Variants in TRPV1 observed in about 807,000 individuals in gnomAD.
The protein encoded by TRPV1 is transient receptor potential cation channel subfamily V member 1.
A neutral mutation model predicts 82.3 loss-of-function variants in TRPV1; 82 were observed. The observed-to-expected ratio is 1.00, with a 90% CI of 0.83 to 1.20. TRPV1 has a LOEUF of 1.20. TRPV1 is among the 50% of genes most tolerant of loss of function. TRPV1 has a pLI of 0.00. For missense variants in TRPV1, 1,067 were observed against 1,096.8 expected (o/e 0.97, Z 0.38); for synonymous variants, 515 against 467.7 (o/e 1.10, Z -1.30).
chr17:3,591,492 C>G (rs2075157397), intron 3 of TRPV1, 139 bp from the exon 4 acceptor site: 1 of 995,034 alleles, frequency 1.0e-6, no homozygotes, highest in Admixed American at 2.9e-5. Context: ...GCCCCTCAGT[C>G]TAGGTGACTG....
intron 16 of TRPV1, among the ~76,000 whole-genome samples, chr17:3,568,645 C>T (rs1346486222): frequency 6.6e-6 from 1 of 152,144 alleles, no homozygotes; most frequent in Non-Finnish European, 1.5e-5. Flanking sequence ...AAATAGGCAA[C>T]ATACAGGCAG....
At position 3,573,768 on chromosome 17, in the gene TRPV1, G is replaced by T. The variant is rs774331785; in HGVS notation, c.1968C>A (p.Phe656Leu). 5.0e-6 allele frequency: 8 copies of T among 1,613,898 alleles called. No homozygotes were observed. The change falls in exon 14 of 17, where the codon TTC (phenylalanine) becomes TTA (leucine). Residue 656 changes from phenylalanine (F) to leucine (L), a missense_variant. Coordinates refer to ENST00000572705, the MANE Select transcript of TRPV1 (RefSeq NM_080704.4). Reference protein sequence around the residue: ...GDLEFTENYDFKAVFIILLLA... With the variant: ...GDLEFTENYDLKAVFIILLLA... ...GCAGCAGGATGATGAAGACAGCCTT[G>T]AAGTCATAGTTCTCAGTGAACTCCA...
Position 3,573,685 on chromosome 17 carries a change from C to A in TRPV1, c.2051G>T (p.Gly684Val), listed in dbSNP as rs759094783. The part of the protein sequence containing the change: ...LLLNMLIALM[G>V]ETVNKIAQES... The stretch of plus-strand genomic sequence containing the variant: ...CTGTGCGATCTTGTTGACAGTCTCA[C>A]CCATGAGGGCGATGAGCATGTTGAG... Residue 684 changes from glycine to valine, a missense_variant, in exon 14 of 17, where the codon GGT (glycine) becomes GTT (valine). Gly to Val is a moderately radical substitution (Grantham distance 109). Coordinates refer to ENST00000572705, the MANE Select transcript of TRPV1 (RefSeq NM_080704.4). The A allele has an allele frequency of 6.2e-7, 1 of 1,614,018 alleles. No individual in the cohort carries two copies. Among genetic ancestry groups the A allele is most frequent in the Non-Finnish European group, 8.5e-7 (1 of 1,179,990 alleles).
At chr17:3,590,534 G>GGAGGC in intron 5 of TRPV1, 142 bp from the exon 6 acceptor site, 2 of 1,323,282 alleles carry the variant, frequency 1.5e-6, no homozygotes, top group Non-Finnish European at 2.0e-6. Flanking sequence ...CCCCACTGCA[G>GGAGGC]GAGGCCAGGC....
At chr17:3,602,933 C>A (rs1195385525) in intron 2 of TRPV1, among the ~76,000 whole-genome samples, 4 of 152,082 alleles carry the variant, frequency 2.6e-5, no homozygotes, top group African/African-American at 7.2e-5. Flanking sequence ...ACCAGCCTGG[C>A]CAACATGGAG....
rs754722903 is a variant in TRPV1 at position 3,580,498 on chromosome 17, C to T, written c.1506G>A (p.Ser502=). 7.4e-6 allele frequency: 12 copies of T among 1,613,892 alleles called. No individual in the cohort carries two copies. The highest frequency in any genetic ancestry group is 2.7e-5 in the African/African-American group (2 of 74,922). ...GIQYFLQRRP[S]MKTLFVDSYS... Reference sequence around the variant, plus strand: ...AGCTGTCCACAAACAGGGTCTTCATCGACGGCCGCCTCTGCAGGAAATACT... The same window carrying T: ...AGCTGTCCACAAACAGGGTCTTCATTGACGGCCGCCTCTGCAGGAAATACT... The change falls in exon 11 of 17, where the codon TCG becomes TCA. Residue 502 remains serine, a synonymous_variant. Coordinates refer to ENST00000572705, the MANE Select transcript of TRPV1 (RefSeq NM_080704.4).
At chr17:3,603,096 G>A (rs1567677240) in intron 2 of TRPV1, among the ~76,000 whole-genome samples, 4 of 151,568 alleles carry the variant, frequency 2.6e-5, no homozygotes, top group Non-Finnish European at 4.4e-5. Context: ...CTCCAGCCTG[G>A]GCAACAAGAG....
chr17:3,577,886 G>C (rs1292339287), intron 11 of TRPV1, 123 bp from the exon 12 acceptor site: 1 of 909,834 alleles, frequency 1.1e-6, no homozygotes, highest in East Asian at 2.7e-5. Context: ...CTAGGGTTGG[G>C]CTGTCCTGAC....
intron 16 of TRPV1, 87 bp downstream of exon 16, chr17:3,571,437 C>G (rs2074851975): frequency 1.8e-6 from 2 of 1,087,008 alleles, no homozygotes; most frequent in African/African-American, 1.6e-5. Context: ...AGGAACCCGG[C>G]AAGGCGTGGG....
rs34662119 is a variant in TRPV1 at position 3,597,672 on chromosome 17, C to CTTTT, written c.-33-5293_-33-5290dup. ...CACAGATAACTATCAGTGTCATTTC[C>CTTTT]TTTTTTTTTTTTTTTTTTTGAGACA... On this transcript the variant is annotated intron_variant, in intron 2 of 16. Coordinates refer to ENST00000572705, the MANE Select transcript of TRPV1 (RefSeq NM_080704.4). 5.9e-5 allele frequency among the ~76,000 whole-genome samples: 7 copies of CTTTT among 117,888 alleles called. 1 individual carries two copies. Among genetic ancestry groups the CTTTT allele is most frequent in the South Asian group, 5.3e-4 (2 of 3,762 alleles). The allele number at this position is 117,888 out of a possible 152,430, so 77.3% of individuals were successfully genotyped here. A position where few individuals can be genotyped will look rare whatever the true frequency, so the allele number is the denominator to read the frequency against.
At chr17:3,597,818 C>T (rs978025529) in intron 2 of TRPV1, among the ~76,000 whole-genome samples, 6 of 152,080 alleles carry the variant, frequency 3.9e-5, no homozygotes, top group African/African-American at 7.2e-5. Flanking sequence ...CAATTGCAGG[C>T]ACCTGCCATT....
At position 3,603,845 on chromosome 17, in the gene TRPV1, G is replaced by A. The variant is rs75797219; in HGVS notation, c.-34+4582C>T. 1.7e-4 allele frequency among the ~76,000 whole-genome samples: 26 copies of A among 152,308 alleles called. No homozygotes were observed. In the East Asian group the frequency reaches 5.0e-3, roughly 29 times the overall value. ...CTGTCCATCTACCTGTGGCTGAGGG[G>A]AGAGGCCAGGTGAGACCCTCTCTCC... On this transcript the variant is annotated intron_variant, in intron 2 of 16. Transcript: ENST00000572705.
intron 2 of TRPV1, among the ~76,000 whole-genome samples, chr17:3,599,132 G>A (rs1597554046): frequency 6.6e-6 from 1 of 151,768 alleles, no homozygotes; most frequent in African/African-American, 2.4e-5. Flanking sequence ...CCAGCTATTC[G>A]GGAGACTGAG....
chr17:3,576,099 G>A (rs1292452936), intron 13 of TRPV1, among the ~76,000 whole-genome samples: 1 of 151,848 alleles, frequency 6.6e-6, no homozygotes, highest in Non-Finnish European at 1.5e-5. Context: ...GCGGGCATCT[G>A]TAATCCCAGC....
chr17:3,585,849 G>A lies in TRPV1; in HGVS notation c.1302C>T (p.Ile434=). ...QDKWDRFVKR[I]FYFNFLVYCL... ...AGTAGACCAGGAAGTTGAAGTAGAA[G>A]ATGCGCTTGACGAATCTGTCCCACT... Residue 434 remains isoleucine (I), a synonymous_variant, in exon 9 of 17, where the codon ATC becomes ATT. Coordinates refer to ENST00000572705, the MANE Select transcript of TRPV1 (RefSeq NM_080704.4). The A allele has an allele frequency of 1.2e-6, 2 of 1,614,022 alleles. No homozygotes were observed. The highest frequency in any genetic ancestry group is 1.7e-6 in the Non-Finnish European group (2 of 1,179,898).
At chr17:3,572,013 C>A (rs1357022605) in intron 15 of TRPV1, 109 bp downstream of exon 15, 6 of 1,399,160 alleles carry the variant, frequency 4.3e-6, no homozygotes, top group Admixed American at 4.4e-5. Flanking sequence ...ATTGGGAGAG[C>A]CCCCTGTGCT....
At chr17:3,582,946 C>CAA (rs34771586) in intron 10 of TRPV1, among the ~76,000 whole-genome samples, 32 of 129,088 alleles carry the variant, frequency 2.5e-4, no homozygotes, top group Non-Finnish European at 3.7e-4. Flanking sequence ...AACTCCACCT[C>CAA]AAAAAAAAAA....
intron 8 of TRPV1, among the ~76,000 whole-genome samples, chr17:3,586,950 CTT>C (rs2075092702): frequency 2.0e-5 from 3 of 152,098 alleles, no homozygotes; most frequent in African/African-American, 7.2e-5. Flanking sequence ...TGGGAAACTC[CTT>C]ACTGCCTCAA....
chr17:3,582,597 A>G (rs1460537532), intron 10 of TRPV1, among the ~76,000 whole-genome samples: 1 of 99,620 alleles, frequency 1.0e-5, no homozygotes, highest in Non-Finnish European at 2.0e-5. Flanking sequence ...CAAAGAAAAG[A>G]TTACTCCTGC....
Sources: allele counts gnomAD v4.1 joint callset (sites outside exome capture counted in the v4.1 genomes callset), GRCh38; gene constraint gnomAD v4.1.1; transcripts MANE v1.5; gene names NCBI Gene and HGNC (gene_info 2026-07-23, HGNC 2026-07-21).